The following PCDHAC1 variants were observed in gnomAD, a reference collection of about 807,000 sequenced individuals.
The protein encoded by PCDHAC1 is protocadherin alpha subfamily C, 1.
In PCDHAC1, 42 loss-of-function variants were observed where a neutral mutation model predicts 60.0. The observed-to-expected ratio is 0.70, with a 90% confidence interval of 0.55 to 0.90. PCDHAC1 has a LOEUF of 0.90. PCDHAC1 is among the 40% of genes least tolerant of loss of function. PCDHAC1 has a pLI of 0.00. For synonymous variants in PCDHAC1, 468 were observed against 499.3 expected (o/e 0.94, Z 0.84); for missense variants, 1,160 against 1,222.3 (o/e 0.95, Z 0.76).
rs903321831 is a variant in PCDHAC1, at chr5:140,926,671, C to A, written c.-222C>A. ...CGGCTCCGCTTTCCCAGACGGCTGC[C>A]CAGCCTCCAGCCTAGCAAGCCCGGC... On this transcript the variant is annotated 5_prime_UTR_variant, in exon 1 of 4. Coordinates refer to ENST00000253807, the MANE Select transcript of PCDHAC1 (RefSeq NM_018898.5). The A allele has an allele frequency of 3.5e-5, 20 of 579,422 alleles. No homozygotes were observed. The South Asian group carries it at 7.5e-4, about 22-fold the overall frequency. 35.9% of individuals were successfully genotyped at this position (579,422 alleles called of 1,614,324 possible).
intron 3 of PCDHAC1, among the ~76,000 whole-genome samples, chr5:140,990,912 A>G (rs1415853627): frequency 1.3e-5 from 2 of 152,148 alleles, no homozygotes; most frequent in African/African-American, 4.8e-5. Context: ...CAAGTTTTAT[A>G]AGTCTTTAAA....
chr5:141,009,571 T>C, intron 3 of PCDHAC1, 56 bp from the exon 4 acceptor site: 10 of 1,578,600 alleles, frequency 6.3e-6, no homozygotes, highest in Non-Finnish European at 7.7e-6. Context: ...ACCAGCAGTG[T>C]GGCATCAAGA....
intron 1 of PCDHAC1, among the ~76,000 whole-genome samples, chr5:140,947,593 T>C (rs2094149533): frequency 1.3e-5 from 2 of 151,712 alleles, no homozygotes; most frequent in African/African-American, 2.4e-5. Context: ...TAGATCAATT[T>C]AGGGAAGATT....
At chr5:140,949,975 A>AT (rs2153688056) in intron 1 of PCDHAC1, among the ~76,000 whole-genome samples, 1 of 152,044 alleles carries the variant, frequency 6.6e-6, no homozygotes, top group South Asian at 2.1e-4. Flanking sequence ...TACAGCATAC[A>AT]TACTTAACTT....
intron 1 of PCDHAC1, among the ~76,000 whole-genome samples, chr5:140,977,965 C>T (rs782117847): frequency 3.3e-5 from 5 of 152,150 alleles, no homozygotes; most frequent in Non-Finnish European, 5.9e-5. Context: ...CCTCAATCTC[C>T]GCCCATGAAA....
intron 1 of PCDHAC1, among the ~76,000 whole-genome samples, chr5:140,950,807 A>G (rs2094520743): frequency 6.6e-6 from 1 of 152,104 alleles, no homozygotes; most frequent in African/African-American, 2.4e-5. Context: ...TGGTTTTACC[A>G]TAGTAGGGTT....
intron 2 of PCDHAC1, among the ~76,000 whole-genome samples, chr5:140,980,549 G>A (rs1382828581): frequency 1.3e-5 from 2 of 152,162 alleles, no homozygotes; most frequent in Non-Finnish European, 2.9e-5. Context: ...AGAATCGCTT[G>A]AACCCGGGAG....
chr5:140,942,448 A>C (rs140426253), intron 1 of PCDHAC1, among the ~76,000 whole-genome samples: 3,563 of 152,146 alleles, frequency 0.023, 50 homozygotes, highest in Middle Eastern at 0.034. Flanking sequence ...CAAGTAAACT[A>C]TCAATTATAA....
At chr5:140,992,332 A>G (rs1554252819) in intron 3 of PCDHAC1, among the ~76,000 whole-genome samples, 1 of 152,202 alleles carries the variant, frequency 6.6e-6, no homozygotes, top group African/African-American at 2.4e-5. Context: ...TCTAAGAGCA[A>G]AGATGGAAAT....
rs782676713 is a variant in PCDHAC1 at position 140,968,215 on chromosome 5, G to A, written c.2434-10734G>A. 3 of 1,613,862 alleles carry A rather than the reference G, an allele frequency of 1.9e-6. 1 individual carries two copies. The highest frequency in any genetic ancestry group is 2.5e-6 in the Non-Finnish European group (3 of 1,180,046). On this transcript the variant is annotated intron_variant, in intron 1 of 3. Transcript: ENST00000253807. ...CCATCTACATACAGGAGAACAATTT[G>A]CCAGGTGTGTTGCTCTGTACTGTGC... is the stretch of plus-strand genomic sequence containing the variant.
chr5:140,947,277 T>C (rs1272482991), intron 1 of PCDHAC1, among the ~76,000 whole-genome samples: 3 of 151,662 alleles, frequency 2.0e-5, no homozygotes, highest in African/African-American at 7.2e-5. Context: ...AAATACTTTT[T>C]CTTTTTATTG....
intron 1 of PCDHAC1, chr5:140,966,987 C>T (rs782372991): frequency 6.2e-7 from 1 of 1,604,132 alleles, no homozygotes; most frequent in South Asian, 1.1e-5. Context: ...CGCTTGGGGC[C>T]GGGTTGCTTG....
At chr5:140,993,218 T>C (rs534348907) in intron 3 of PCDHAC1, among the ~76,000 whole-genome samples, 1 of 152,330 alleles carries the variant, frequency 6.6e-6, no homozygotes, top group East Asian at 1.9e-4. Flanking sequence ...TTTAGCTTTT[T>C]GGTATGTTCT....
intron 3 of PCDHAC1, among the ~76,000 whole-genome samples, chr5:141,007,295 A>G (rs181235064): frequency 1.6e-3 from 250 of 151,912 alleles, no homozygotes; most frequent in Non-Finnish European, 2.9e-3. Context: ...TCATGCCTGT[A>G]ATCTTAGCAT....
intron 1 of PCDHAC1, among the ~76,000 whole-genome samples, chr5:140,945,952 G>A (rs2093866662): frequency 6.6e-6 from 1 of 151,910 alleles, no homozygotes; most frequent in African/African-American, 2.4e-5. Context: ...ATATGACCCT[G>A]AAAGCACAGG....
intron 1 of PCDHAC1, chr5:140,968,986 A>C (rs143656335): frequency 6.8e-6 from 11 of 1,614,206 alleles, no homozygotes; most frequent in East Asian, 6.7e-5. Context: ...ATGGCACTGC[A>C]TGCTGTGGAG....
chr5:140,957,407 A>G lies in PCDHAC1; in HGVS notation c.2434-21542A>G, dbSNP rs570373783. On this transcript the variant is annotated intron_variant, in intron 1 of 3. Coordinates refer to ENST00000253807, the MANE Select transcript of PCDHAC1 (RefSeq NM_018898.5). ...GTTATAATTGTCCTAATTTATTATT[A>G]TTGTTGTTAATCTTTTACTGTGCCT... Among the ~76,000 whole-genome samples, 13 of 152,274 alleles carry G rather than the reference A, an allele frequency of 8.5e-5. No homozygotes were observed. The South Asian group carries it at 2.7e-3, about 32-fold the overall frequency.
chr5:140,978,758 C>A (rs925464508), intron 1 of PCDHAC1, among the ~76,000 whole-genome samples, 191 bp from the exon 2 acceptor site: 6 of 152,148 alleles, frequency 3.9e-5, no homozygotes, highest in African/African-American at 1.4e-4. Context: ...TGTGTGAGGA[C>A]CCTGATGAAC....
intron 3 of PCDHAC1, among the ~76,000 whole-genome samples, chr5:141,000,999 A>G (rs1315543518): frequency 6.6e-6 from 1 of 152,234 alleles, no homozygotes; most frequent in Non-Finnish European, 1.5e-5. Context: ...TATGCTTTAA[A>G]TATGTATTTA....
Sources: gnomAD v4.1 joint callset for allele counts (sites outside exome capture counted in the v4.1 genomes callset) on GRCh38, gnomAD v4.1.1 for gene constraint, MANE v1.5 for transcripts, NCBI Gene and HGNC (gene_info 2026-07-23, HGNC 2026-07-21) for gene names.